The following STRN variants were observed in gnomAD, a reference collection of about 807,000 sequenced individuals.
The protein encoded by STRN is protein phosphatase 2 regulatory subunit B'''alpha.
STRN carries 53 observed loss-of-function variants against 96.3 expected under a neutral mutation model. The observed-to-expected ratio is 0.55, with a 90% CI of 0.44 to 0.69. The LOEUF (loss-of-function observed/expected upper bound fraction) is 0.69. Ranked by LOEUF, STRN falls within the 30% of genes least tolerant of loss-of-function variation. STRN has a pLI of 0.00. For synonymous variants in STRN, 428 were observed against 355.9 expected, an observed-to-expected ratio of 1.20 and a Z score of -2.28; for missense variants, 987 against 963.9, an observed-to-expected ratio of 1.02 and a Z score of -0.32.
rs1558616109 is a variant in STRN, at chr2:36,843,813, CTTTA to C, written c.*5639_*5642del. 1 of 152,122 alleles carries C rather than the reference CTTTA, an allele frequency of 6.6e-6. No homozygotes were observed. Among genetic ancestry groups the C allele is most frequent in the Non-Finnish European group, 1.5e-5 (1 of 68,018 alleles). The allele number at this position is 152,122 out of a possible 1,614,324, so 9.4% of individuals were successfully genotyped here. On this transcript the variant is annotated 3_prime_UTR_variant, in exon 18 of 18. Coordinates refer to ENST00000263918, the MANE Select transcript of STRN (RefSeq NM_003162.4). Reference sequence around the variant, plus strand: ...ATAGCATGTTATCTATATTTGTACACTTTATTTAAAAACAAATAATACACTTAGA... The same window carrying C: ...ATAGCATGTTATCTATATTTGTACACTTTAAAAACAAATAATACACTTAGA...
chr2:36,882,296 G>C (rs1669093106), intron 9 of STRN, among the ~76,000 whole-genome samples: 1 of 151,964 alleles, frequency 6.6e-6, no homozygotes, highest in Non-Finnish European at 1.5e-5. Context: ...TTTAAATTCA[G>C]AATTTTTTAA....
In STRN at chr2:36,905,612, C is replaced by A. The variant is rs746590140; in HGVS notation, c.419G>T (p.Gly140Val). The A allele has an allele frequency of 1.9e-6, 3 of 1,612,786 alleles. No individual in the cohort carries two copies. The South Asian group carries it at 3.3e-5, about 18-fold the overall frequency. The change falls in exon 4 of 18, where the codon GGT (glycine) becomes GTT (valine). Residue 140 changes from glycine to valine, a missense_variant. Transcript: ENST00000263918. Reference protein sequence around the residue: ...MKPPSYDSDEGNETEVQPQQN... With the variant: ...MKPPSYDSDEVNETEVQPQQN... ...TTGTGGCTGCACTTCTGTTTCATTACCTTCATCTAGAAAACATTAAGTCAT... is the reference window on the plus strand; with the variant it reads ...TTGTGGCTGCACTTCTGTTTCATTAACTTCATCTAGAAAACATTAAGTCAT...
In STRN at chr2:36,848,148, T is replaced by C. The variant is rs910220377; in HGVS notation, c.*1308A>G. ...GTTGGGCTGGGGAAGCCTGGCCTTT[T>C]AAGGTGTGGATTTCCCCAGAAACAA... On this transcript the variant is annotated 3_prime_UTR_variant, in exon 18 of 18. Transcript: ENST00000263918. The C allele has an allele frequency of 6.6e-6, 1 of 152,188 alleles. No homozygotes were observed. The allele number at this position is 152,188 out of a possible 1,614,324, so 9.4% of individuals were successfully genotyped here.
intron 6 of STRN, among the ~76,000 whole-genome samples, chr2:36,897,648 A>T (rs1669579994): frequency 6.6e-6 from 1 of 151,884 alleles, no homozygotes. Context: ...CGCGTTAGCC[A>T]GGATGGTCTT....
intron 1 of STRN, among the ~76,000 whole-genome samples, chr2:36,927,424 A>C (rs1670439586): frequency 6.7e-6 from 1 of 148,308 alleles, no homozygotes; most frequent in Non-Finnish European, 1.5e-5. Flanking sequence ...CAGGAGAATC[A>C]CCTCAGCCCA....
chr2:36,930,562 G>A (rs1375112714), intron 1 of STRN, among the ~76,000 whole-genome samples: 1 of 152,084 alleles, frequency 6.6e-6, no homozygotes, highest in East Asian at 1.9e-4. Context: ...GGTCTGGAGT[G>A]GGGCCCAAGA....
intron 1 of STRN, among the ~76,000 whole-genome samples, chr2:36,927,768 G>C (rs1670453277): frequency 6.6e-6 from 1 of 152,222 alleles, no homozygotes; most frequent in Non-Finnish European, 1.5e-5. Flanking sequence ...ACATTTAAAT[G>C]TTAGCTGTGG....
At chr2:36,909,118 T>C (rs540958955) in intron 3 of STRN, among the ~76,000 whole-genome samples, 97 of 145,484 alleles carry the variant, frequency 6.7e-4, no homozygotes, top group African/African-American at 2.4e-3. Context: ...ATTGCACCAC[T>C]GCACTGCAGC....
intron 1 of STRN, among the ~76,000 whole-genome samples, chr2:36,961,568 T>A (rs1665031325): frequency 6.6e-6 from 1 of 152,160 alleles, no homozygotes; most frequent in Non-Finnish European, 1.5e-5. Context: ...CATATTCACA[T>A]ATCTTATCAC....
rs774362961 is a variant in STRN, at chr2:36,894,038, T to C, written c.796-5A>G. On this transcript the variant is annotated splice_polypyrimidine_tract_variant and splice_region_variant and intron_variant, in intron 6 of 17. Transcript: ENST00000263918. ...CAATGCTTTTTTCCTAACAATCTAA[T>C]GAAAAAACATGCTAAATTAAATAAA... is the stretch of plus-strand genomic sequence containing the variant. 8.1e-6 allele frequency: 13 copies of C among 1,605,776 alleles called. No individual in the cohort carries two copies. The East Asian group carries it at 2.7e-4, about 33-fold the overall frequency.
At chr2:36,875,804 C>A (rs1174993117) in intron 10 of STRN, among the ~76,000 whole-genome samples, 1 of 151,998 alleles carries the variant, frequency 6.6e-6, no homozygotes, top group African/African-American at 2.4e-5. Context: ...CTACAGGCAC[C>A]CGCCACAATG....
chr2:36,867,938 T>C, intron 11 of STRN, 77 bp from the exon 12 acceptor site: 1 of 1,192,580 alleles, frequency 8.4e-7, no homozygotes, highest in Non-Finnish European at 1.2e-6. Flanking sequence ...TAAAATTGTC[T>C]TTAAAAATAC....
At chr2:36,944,903 A>G (rs1670940316) in intron 1 of STRN, among the ~76,000 whole-genome samples, 1 of 152,236 alleles carries the variant, frequency 6.6e-6, no homozygotes, top group Admixed American at 6.5e-5. Context: ...AGAATGCTAG[A>G]TAATGCCAAG....
At chr2:36,887,958 A>T (rs1558638489) in intron 7 of STRN, among the ~76,000 whole-genome samples, 1 of 152,204 alleles carries the variant, frequency 6.6e-6, no homozygotes, top group Non-Finnish European at 1.5e-5. Context: ...CTACATTTCC[A>T]TTAGGAAGTC....
intron 15 of STRN, 132 bp from the exon 16 acceptor site, chr2:36,851,239 C>T (rs940883733): frequency 8.0e-5 from 49 of 608,904 alleles, no homozygotes; most frequent in Admixed American, 2.2e-4. Flanking sequence ...AATCCAAGCA[C>T]GTTGGGAGGC....
At chr2:36,863,766 A>C (rs1489341811) in intron 12 of STRN, among the ~76,000 whole-genome samples, 2 of 152,236 alleles carry the variant, frequency 1.3e-5, no homozygotes, top group Non-Finnish European at 2.9e-5. Context: ...CCATTTTAAC[A>C]ATAGATTCTT....
At chr2:36,934,973 G>C (rs966516781) in intron 1 of STRN, among the ~76,000 whole-genome samples, 2 of 152,242 alleles carry the variant, frequency 1.3e-5, no homozygotes, top group African/African-American at 4.8e-5. Flanking sequence ...AGCTACTCGG[G>C]AGGCTGAGGC....
At chr2:36,869,426 T>C in intron 11 of STRN, 128 bp downstream of exon 11, 1 of 928,512 alleles carries the variant, frequency 1.1e-6, no homozygotes, top group Non-Finnish European at 1.5e-6. Flanking sequence ...ACACAATAAA[T>C]TACATGACAT....
intron 10 of STRN, among the ~76,000 whole-genome samples, chr2:36,875,571 ACC>A (rs1208334865): frequency 6.8e-5 from 1 of 14,738 alleles, no homozygotes; most frequent in African/African-American, 8.1e-5. Context: ...ATCAAAAATT[ACC>A]AAAAAAAAAG....
Sources: allele counts gnomAD v4.1 joint callset (sites outside exome capture counted in the v4.1 genomes callset), GRCh38; gene constraint gnomAD v4.1.1; transcripts MANE v1.5; gene names NCBI Gene and HGNC (gene_info 2026-07-23, HGNC 2026-07-21).